FOXK2: variants seen among roughly 807,000 people sequenced by gnomAD.
FOXK2 encodes forkhead box protein K2.
Under a neutral mutation model 53.3 loss-of-function variants are expected in FOXK2, and 24 were observed. That is an observed-to-expected ratio of 0.45 (90% CI 0.33 to 0.63). The LOEUF is 0.63. Ranked by LOEUF, FOXK2 falls within the 30% of genes least tolerant of loss-of-function variation. The pLI is 0.03. For synonymous variants in FOXK2, 505 were observed against 407.1 expected (o/e 1.24, Z -2.89); for missense variants, 952 against 910.5 (o/e 1.05, Z -0.59).
At chr17:82,565,629 G>T (rs1248074007) in intron 2 of FOXK2, among the ~76,000 whole-genome samples, 1 of 152,182 alleles carries the variant, frequency 6.6e-6, no homozygotes, top group Non-Finnish European at 1.5e-5. Context: ...CATTGGATTG[G>T]CTGCTATTAA....
chr17:82,523,256 C>T (rs979013334), intron 1 of FOXK2, among the ~76,000 whole-genome samples: 12 of 152,242 alleles, frequency 7.9e-5, no homozygotes, highest in Non-Finnish European at 1.8e-4. Context: ...ACTCTCTACC[C>T]GTACTGAGTA....
rs768862024 is a variant in FOXK2, at chr17:82,521,774, CAA to C, written c.419+1482_419+1483del. 5.8e-4 allele frequency among the ~76,000 whole-genome samples: 67 copies of C among 116,506 alleles called. 1 individual carries two copies. Among genetic ancestry groups the C allele is most frequent in the Middle Eastern group, 5.1e-3 (1 of 198 alleles). The allele number at this position is 116,506 out of a possible 152,430, so 76.4% of individuals were successfully genotyped here. On this transcript the variant is annotated intron_variant, in intron 1 of 8. Transcript: ENST00000335255. ...GTGAAACCCGTCTCTACTAAAAATACAAAAAAAAAAAAAAAATTAGCCGGGCG... is the reference window on the plus strand; with the variant it reads ...GTGAAACCCGTCTCTACTAAAAATACAAAAAAAAAAAAAATTAGCCGGGCG...
At chr17:82,572,297 A>G (rs1051486347) in intron 4 of FOXK2, among the ~76,000 whole-genome samples, 1 of 152,242 alleles carries the variant, frequency 6.6e-6, no homozygotes, top group African/African-American at 2.4e-5. Flanking sequence ...TTGCAGAGAC[A>G]GTTTTCAAAC....
At chr17:82,559,554 C>T (rs867952428) in intron 1 of FOXK2, 3 of 449,862 alleles carry the variant, frequency 6.7e-6, no homozygotes, top group African/African-American at 2.0e-5. Flanking sequence ...GAGGAGGACT[C>T]AGGAGATGAT....
At chr17:82,543,740 C>T (rs1228945863) in intron 1 of FOXK2, among the ~76,000 whole-genome samples, 2 of 150,414 alleles carry the variant, frequency 1.3e-5, no homozygotes, top group African/African-American at 2.4e-5. Context: ...CTGCAGCCTC[C>T]TAAGTAGCTG....
At chr17:82,546,765 C>T (rs2044629443) in intron 1 of FOXK2, among the ~76,000 whole-genome samples, 1 of 151,962 alleles carries the variant, frequency 6.6e-6, no homozygotes, top group African/African-American at 2.4e-5. Flanking sequence ...CTGAGCCCAA[C>T]CTAAAACTCG....
intron 4 of FOXK2, among the ~76,000 whole-genome samples, chr17:82,581,397 T>G (rs1026613530): frequency 6.6e-6 from 1 of 152,030 alleles, no homozygotes; most frequent in Non-Finnish European, 1.5e-5. Flanking sequence ...CCTCTCGGCT[T>G]CAAGCAATTC....
At chr17:82,523,267 C>T (rs2044384738) in intron 1 of FOXK2, among the ~76,000 whole-genome samples, 1 of 152,160 alleles carries the variant, frequency 6.6e-6, no homozygotes, top group Admixed American at 6.6e-5. Flanking sequence ...GTACTGAGTA[C>T]ACAAGGGGAT....
intron 2 of FOXK2, among the ~76,000 whole-genome samples, chr17:82,564,603 T>C (rs2044833799): frequency 6.6e-6 from 1 of 152,048 alleles, no homozygotes; most frequent in African/African-American, 2.4e-5. Flanking sequence ...TTTCAAAATT[T>C]TAATTTTGAA....
chr17:82,533,578 G>A (rs903775064), intron 1 of FOXK2, among the ~76,000 whole-genome samples: 12 of 152,084 alleles, frequency 7.9e-5, no homozygotes, highest in Admixed American at 7.9e-4. Context: ...GATCGTATGT[G>A]CTGTACTTTC....
At chr17:82,575,873 G>A (rs1180896050) in intron 4 of FOXK2, among the ~76,000 whole-genome samples, 1 of 152,250 alleles carries the variant, frequency 6.6e-6, no homozygotes, top group Non-Finnish European at 1.5e-5. Flanking sequence ...GAGCCTGCTG[G>A]GACAGAGGGT....
chr17:82,525,368 C>T (rs746858118), intron 1 of FOXK2, among the ~76,000 whole-genome samples: 6 of 152,076 alleles, frequency 3.9e-5, no homozygotes, highest in South Asian at 2.1e-4. Context: ...TTAGTAGAGA[C>T]GGGGTTTCAC....
intron 1 of FOXK2, among the ~76,000 whole-genome samples, chr17:82,540,321 G>A (rs557777324): frequency 1.6e-4 from 24 of 151,804 alleles, no homozygotes; most frequent in African/African-American, 5.8e-4. Flanking sequence ...GGGCTCAACC[G>A]CTTGAATGAT....
chr17:82,532,811 G>T (rs1416039783), intron 1 of FOXK2, among the ~76,000 whole-genome samples: 1 of 150,944 alleles, frequency 6.6e-6, no homozygotes, highest in Non-Finnish European at 1.5e-5. Context: ...GAGGTGATCT[G>T]CCTGCTTTGG....
chr17:82,595,823 T>A (rs1246806805), intron 8 of FOXK2: 1 of 1,289,676 alleles, frequency 7.8e-7, no homozygotes, highest in Non-Finnish European at 1.0e-6. Context: ...CAGCTCAGAC[T>A]GGAGTTGCCT....
In FOXK2 at chr17:82,596,226, CCTT is replaced by C. The variant is rs1022115855; in HGVS notation, c.1787-5070_1787-5068del. The C allele has an allele frequency of 1.9e-4, 190 of 988,042 alleles. 1 individual carries two copies. In the African/African-American group the frequency reaches 2.3e-3, roughly 12 times the overall value. The allele number at this position is 988,042 out of a possible 1,614,324, so 61.2% of individuals were successfully genotyped here. A position where few individuals can be genotyped will look rare whatever the true frequency, so the allele number is the denominator to read the frequency against. On this transcript the variant is annotated intron_variant, in intron 8 of 8. Transcript: ENST00000335255. ...TGCTTCGCCTTCAGTAGCCTGAGTCCCTTCTTCTTTTTCTTTCACGTTACTAGG... is the reference window on the plus strand; with the variant it reads ...TGCTTCGCCTTCAGTAGCCTGAGTCCCTTCTTTTTCTTTCACGTTACTAGG...
At chr17:82,584,652 C>T (rs944430235) in intron 6 of FOXK2, among the ~76,000 whole-genome samples, 2 of 146,074 alleles carry the variant, frequency 1.4e-5, no homozygotes, top group African/African-American at 2.5e-5. Flanking sequence ...AAAGAATTCT[C>T]CTGCCTCAGC....
intron 1 of FOXK2, among the ~76,000 whole-genome samples, chr17:82,525,846 C>T (rs1211165679): frequency 6.6e-6 from 1 of 152,192 alleles, no homozygotes; most frequent in African/African-American, 2.4e-5. Flanking sequence ...CAGTTCTACC[C>T]AGTGGTAATT....
intron 1 of FOXK2, among the ~76,000 whole-genome samples, chr17:82,536,908 G>A (rs376569584): frequency 6.6e-6 from 1 of 152,148 alleles, no homozygotes; most frequent in African/African-American, 2.4e-5. Flanking sequence ...TTTGGCCTTG[G>A]ATCTGACTTA....
Sources: gnomAD v4.1 joint callset for allele counts (sites outside exome capture counted in the v4.1 genomes callset) on GRCh38, gnomAD v4.1.1 for gene constraint, MANE v1.5 for transcripts, NCBI Gene and HGNC (gene_info 2026-07-23, HGNC 2026-07-21) for gene names.